DMD: variants seen among roughly 807,000 people sequenced by gnomAD.
DMD encodes the protein dystrophin.
DMD carries 63 observed loss-of-function variants against 330.1 expected under a neutral mutation model. That is an observed-to-expected ratio of 0.19 (90% CI 0.16 to 0.24). DMD has a LOEUF of 0.24. DMD is among the 10% of genes least tolerant of loss of function. The pLI is 1.00. For missense variants in DMD, 3,344 were observed against 2,684.1 expected (o/e 1.25, Z -5.43); for synonymous variants, 1,223 against 959.8 (o/e 1.27, Z -5.07).
chrX:32,524,699 G>A (rs1412271474), intron 17 of DMD, among the ~76,000 whole-genome samples: 3 of 112,166 alleles, frequency 2.7e-5, no homozygotes, highest in Non-Finnish European at 3.8e-5. Flanking sequence ...CAGTTGGCAC[G>A]TAGTTCTGAT....
intron 52 of DMD, among the ~76,000 whole-genome samples, chrX:31,695,883 T>C (rs928782811): frequency 3.6e-5 from 4 of 110,985 alleles, no homozygotes; most frequent in African/African-American, 1.3e-4. Context: ...ATAGCTAATA[T>C]TGTCATATTG....
chrX:31,581,201 G>C (rs1363721005), intron 55 of DMD, among the ~76,000 whole-genome samples: 1 of 111,884 alleles, frequency 8.9e-6, no homozygotes, highest in Non-Finnish European at 1.9e-5. Flanking sequence ...GATTGGCTTG[G>C]GGGGAAGGAT....
intron 9 of DMD, among the ~76,000 whole-genome samples, chrX:32,649,492 C>A (rs1329370440): frequency 1.0e-5 from 1 of 100,371 alleles, no homozygotes; most frequent in Non-Finnish European, 2.0e-5. Flanking sequence ...GGAGGCGGAG[C>A]TTGCAGTGAG....
chrX:32,971,557 A>G (rs2092383589), intron 2 of DMD, among the ~76,000 whole-genome samples: 1 of 111,461 alleles, frequency 9.0e-6, no homozygotes, highest in Non-Finnish European at 1.9e-5. Context: ...GTTAGTTCTT[A>G]ATCATATTTA....
At chrX:33,012,778 C>T (rs777893558) in intron 2 of DMD, among the ~76,000 whole-genome samples, 1 of 110,997 alleles carries the variant, frequency 9.0e-6, no homozygotes, top group South Asian at 3.8e-4. Flanking sequence ...GTAGGGTAGG[C>T]TAAGCTATGT....
chrX:32,583,133 C>A (rs2053842659), intron 13 of DMD, among the ~76,000 whole-genome samples: 1 of 112,093 alleles, frequency 8.9e-6, no homozygotes, highest in African/African-American at 3.2e-5. Context: ...TAGTCTTGAT[C>A]CATAATTCAG....
chrX:32,307,720 C>T (rs777668637), intron 42 of DMD, among the ~76,000 whole-genome samples: 2 of 111,400 alleles, frequency 1.8e-5, no homozygotes, highest in South Asian at 3.7e-4. Context: ...TTAAAACTTA[C>T]GATGCTAAGA....
At chrX:31,889,653 A>T (rs867406953) in intron 47 of DMD, among the ~76,000 whole-genome samples, 27 of 72,665 alleles carry the variant, frequency 3.7e-4, no homozygotes, top group African/African-American at 9.5e-4. Flanking sequence ...TCTCTCACAC[A>T]CACACACACA....
intron 47 of DMD, among the ~76,000 whole-genome samples, chrX:31,887,959 C>A (rs2094179956): frequency 8.9e-6 from 1 of 112,123 alleles, no homozygotes; most frequent in Non-Finnish European, 1.9e-5. Context: ...CGCTTATGTT[C>A]TTGTACACTT....
At chrX:31,381,779 C>G (rs934127311) in intron 60 of DMD, among the ~76,000 whole-genome samples, 1 of 112,072 alleles carries the variant, frequency 8.9e-6, no homozygotes, top group African/African-American at 3.2e-5. Context: ...CCTCTTAGAA[C>G]TTCTCATTTC....
chrX:31,880,544 A>T (rs1324637640), intron 47 of DMD, among the ~76,000 whole-genome samples: 1 of 112,536 alleles, frequency 8.9e-6, no homozygotes, highest in Non-Finnish European at 1.9e-5. Flanking sequence ...GAAAACAGCA[A>T]TGTTATACTA....
intron 41 of DMD, among the ~76,000 whole-genome samples, chrX:32,328,711 A>G (rs777249137): frequency 9.0e-6 from 1 of 110,554 alleles, no homozygotes; most frequent in Non-Finnish European, 1.9e-5. Context: ...ACTATTAGGG[A>G]ACATCACAAA....
chrX:32,214,858 A>G (rs949891288), intron 44 of DMD, among the ~76,000 whole-genome samples: 2 of 112,124 alleles, frequency 1.8e-5, no homozygotes, highest in Non-Finnish European at 3.8e-5. Context: ...ATAGTCAAAA[A>G]TTACCAGTCA....
intron 7 of DMD, among the ~76,000 whole-genome samples, chrX:32,789,071 CAG>C (rs1468782172): frequency 8.9e-6 from 1 of 111,803 alleles, no homozygotes; most frequent in Admixed American, 9.5e-5. Context: ...CTGTTTGAGT[CAG>C]AGTACCATTC....
chrX:32,186,412 G>C (rs1161843438), intron 44 of DMD, among the ~76,000 whole-genome samples: 1 of 111,058 alleles, frequency 9.0e-6, no homozygotes, highest in South Asian at 3.7e-4. Context: ...GATTGATTCT[G>C]CATTTTTAGT....
intron 17 of DMD, among the ~76,000 whole-genome samples, chrX:32,530,968 CTA>C (rs1294957441): frequency 9.0e-6 from 1 of 111,494 alleles, no homozygotes; most frequent in African/African-American, 3.3e-5. Context: ...CAAAAGCTGC[CTA>C]TGTCCTTATG....
chrX:32,195,887 G>C (rs747109139), intron 44 of DMD, among the ~76,000 whole-genome samples: 1 of 111,974 alleles, frequency 8.9e-6, no homozygotes, highest in South Asian at 3.8e-4. Context: ...GCTGGAAATA[G>C]AGTGCAGAGC....
intron 16 of DMD, 101 bp from the exon 17 acceptor site, chrX:32,545,435 G>C: frequency 2.4e-6 from 2 of 845,629 alleles, no homozygotes; most frequent in Non-Finnish European, 1.7e-6. Flanking sequence ...GTTCTTGCTT[G>C]TTGGTAGATT....
intron 44 of DMD, among the ~76,000 whole-genome samples, chrX:32,162,086 C>T (rs2096851411): frequency 1.8e-5 from 2 of 111,323 alleles, no homozygotes; most frequent in African/African-American, 6.5e-5. Flanking sequence ...ACCTAGATGA[C>T]GGGTTGATGG....
Sources: gnomAD v4.1 joint callset for allele counts (sites outside exome capture counted in the v4.1 genomes callset) on GRCh38, gnomAD v4.1.1 for gene constraint, MANE v1.5 for transcripts, NCBI Gene and HGNC (gene_info 2026-07-23, HGNC 2026-07-21) for gene names.